CACNA1H: variants seen among roughly 807,000 people sequenced by gnomAD.
CACNA1H encodes calcium voltage-gated channel subunit alpha1 H.
A neutral mutation model predicts 192.5 loss-of-function variants in CACNA1H; 149 were observed. The ratio of observed to expected loss-of-function variants is 0.77; its 90% CI spans 0.68 to 0.89. The LOEUF is 0.89. CACNA1H is among the 40% of genes least tolerant of loss of function. The pLI is 0.00. For missense variants in CACNA1H, 4,257 were observed against 3,423.5 expected, an observed-to-expected ratio of 1.24 and a Z score of -6.08; for synonymous variants, 2,202 against 1,475.2, an observed-to-expected ratio of 1.49 and a Z score of -11.29.
intron 2 of CACNA1H, among the ~76,000 whole-genome samples, chr16:1,188,586 A>G (rs1171742245): frequency 2.0e-5 from 3 of 152,208 alleles, no homozygotes; most frequent in East Asian, 3.9e-4. Context: ...TGCCCCCCAC[A>G]CAACAGTCAG....
In CACNA1H at chr16:1,200,767, C is replaced by T. The variant is rs1401713017; in HGVS notation, c.1171C>T (p.His391Tyr). ...VDIMYYVMDA[H>Y]SFYNFIYFIL... ...CATCATGTACTACGTCATGGACGCC[C>T]ACTCATTCTACAACTTCATCTATTT... The change falls in exon 8 of 35, where the codon CAC becomes TAC. Residue 391 changes from histidine (H) to tyrosine (Y), a missense_variant. Physicochemically the swap from His to Tyr is moderately conservative, Grantham distance 83 (BLOSUM62 2). Coordinates refer to ENST00000348261, the MANE Select transcript of CACNA1H (RefSeq NM_021098.3). The T allele has an allele frequency of 1.9e-6, 3 of 1,555,602 alleles. No individual in the cohort carries two copies. The highest frequency in any genetic ancestry group is 1.2e-5 in the South Asian group (1 of 84,552).
rs374265107 is a variant in CACNA1H at position 1,211,958 on chromosome 16, C to T, written c.4579C>T (p.His1527Tyr). The change falls in exon 25 of 35, where the codon CAC becomes TAC. Residue 1527 changes from histidine to tyrosine, a missense_variant. Physicochemically the swap from His to Tyr is moderately conservative, Grantham distance 83. Coordinates refer to ENST00000348261, the MANE Select transcript of CACNA1H (RefSeq NM_021098.3). ...VGVDQQPVQN[H>Y]NPWMLLYFIS... ...CTCTGTGCCACAGCCTGTGCAGAAC[C>T]ACAACCCCTGGATGCTGCTGTACTT... The T allele has an allele frequency of 1.4e-5, 23 of 1,613,344 alleles. No homozygotes were observed. The African/African-American group carries it at 2.9e-4, about 21-fold the overall frequency.
At chr16:1,211,345 G>C in intron 22 of CACNA1H, 51 bp downstream of exon 22, 1 of 1,609,886 alleles carries the variant, frequency 6.2e-7, no homozygotes, top group South Asian at 1.1e-5. Flanking sequence ...GACAGGGTCT[G>C]CCTTCCCAGC....
Position 1,221,104 on chromosome 16 carries a change from C to A in CACNA1H, c.*110C>A. 1.2e-6 allele frequency: 1 copy of A among 825,632 alleles called. No homozygotes were observed. Among genetic ancestry groups the A allele is most frequent in the Non-Finnish European group, 1.8e-6 (1 of 541,692 alleles). The allele number at this position is 825,632 out of a possible 1,614,324, so 51.1% of individuals were successfully genotyped here. On this transcript the variant is annotated 3_prime_UTR_variant, in exon 35 of 35. Transcript: ENST00000348261. Reference sequence around the variant, plus strand: ...ACCCTGACTTGGGTCCCGTCGTGAGCAGAAAGGCCCGGGGAGGATGACGGC... The same window carrying A: ...ACCCTGACTTGGGTCCCGTCGTGAGAAGAAAGGCCCGGGGAGGATGACGGC...
rs1466381514 is a variant in CACNA1H at position 1,204,025 on chromosome 16, C to G, written c.2018C>G (p.Pro673Arg). The change falls in exon 10 of 35, where the codon CCT becomes CGT. Residue 673 changes from proline (P) to arginine (R), a missense_variant. Physicochemically the swap from Pro to Arg is moderately radical, Grantham distance 103. Transcript: ENST00000348261. ...VVGEHGLGQAPGHLSGLSVPC... is the reference protein window; with the variant it reads ...VVGEHGLGQARGHLSGLSVPC... ...TCTCCCGCAGGACTGGGCCAGGCCC[C>G]TGGCCATCTGTCGGGCCTCAGTGTG... 7.7e-6 allele frequency: 12 copies of G among 1,558,168 alleles called. No individual in the cohort carries two copies. Among genetic ancestry groups the G allele is most frequent in the Non-Finnish European group, 9.5e-6 (11 of 1,152,240 alleles).
Position 1,199,479 on chromosome 16 carries a change from A to G in CACNA1H, c.803+705A>G, listed in dbSNP as rs12918205. On this transcript the variant is annotated intron_variant, in intron 6 of 34. Transcript: ENST00000348261. ...TATGCCCCACCCCCATCATGGCTCC[A>G]CCCACCGTGCGGTCATTGCACATAT... Among the ~76,000 whole-genome samples the G allele has an allele frequency of 3.2e-3, 127 of 39,738 alleles. 1 individual carries two copies. The highest frequency in any genetic ancestry group is 0.012 in the Middle Eastern group (1 of 82). 26.1% of individuals were successfully genotyped at this position (39,738 alleles called of 152,430 possible).
Position 1,153,862 on chromosome 16 carries a change from G to A in CACNA1H, c.125G>A (p.Arg42Gln). The A allele has an allele frequency of 7.3e-7, 1 of 1,371,584 alleles. No individual in the cohort carries two copies. Among genetic ancestry groups the A allele is most frequent in the Non-Finnish European group, 9.4e-7 (1 of 1,060,342 alleles). The allele number at this position is 1,371,584 out of a possible 1,614,324, so 85.0% of individuals were successfully genotyped here. The change falls in exon 2 of 35, where the codon CGG becomes CAG. Residue 42 changes from arginine to glutamine, a missense_variant. Arg to Gln is a conservative substitution (Grantham distance 43). Transcript: ENST00000348261. The part of the protein sequence containing the change: ...SPGAPGREAE[R>Q]GSELGVSPSE... ...GGGGCGCCGGGACGCGAGGCGGAGC[G>A]GGGGTCCGAGCTCGGCGTGTCACCC...
intron 2 of CACNA1H, among the ~76,000 whole-genome samples, chr16:1,192,924 A>C (rs1197921217): frequency 1.3e-5 from 2 of 151,926 alleles, no homozygotes; most frequent in Non-Finnish European, 2.9e-5. Flanking sequence ...GAGAGGAGAC[A>C]GAAAGGCGGT....
At chr16:1,196,392 G>C (rs1444688791) in intron 5 of CACNA1H, among the ~76,000 whole-genome samples, 1 of 152,250 alleles carries the variant, frequency 6.6e-6, no homozygotes, top group Non-Finnish European at 1.5e-5. Context: ...TGTGGCTCGT[G>C]GTGGAGACAC....
intron 2 of CACNA1H, among the ~76,000 whole-genome samples, chr16:1,176,974 CAGGCT>C (rs934141025): frequency 6.6e-6 from 1 of 152,204 alleles, no homozygotes. Flanking sequence ...GCAGAGTCCC[CAGGCT>C]GGGAGGAGGC....
chr16:1,156,034 C>T (rs1478534539), intron 2 of CACNA1H, among the ~76,000 whole-genome samples: 3 of 152,226 alleles, frequency 2.0e-5, no homozygotes, highest in South Asian at 2.1e-4. Context: ...CATGCCCCAT[C>T]CCTGGTGTCC....
chr16:1,176,962 G>A (rs971069057), intron 2 of CACNA1H, among the ~76,000 whole-genome samples: 1 of 152,110 alleles, frequency 6.6e-6, no homozygotes, highest in African/African-American at 2.4e-5. Context: ...GCTTAGGTGG[G>A]GGCAGAGTCC....
chr16:1,207,253 C>G, intron 13 of CACNA1H, 22 bp from the exon 14 acceptor site: 1 of 1,592,196 alleles, frequency 6.3e-7, no homozygotes, highest in East Asian at 2.3e-5. Flanking sequence ...GTGACCACCC[C>G]AGGCCCCCTG....
chr16:1,200,714 AG>A lies in CACNA1H; in HGVS notation c.1120del. On this transcript the variant is annotated splice_acceptor_variant, in intron 7 of 34. Transcript: ENST00000348261. LOFTEE classifies it high-confidence loss of function. Reference sequence around the variant, plus strand: ...GCCCAAGTCAAGCCACTGCCCCCCCAGGTGATCACGCTGGAAGGCTGGGTGG... The same window carrying A: ...GCCCAAGTCAAGCCACTGCCCCCCCAGTGATCACGCTGGAAGGCTGGGTGG... 6.4e-7 allele frequency: 1 copy of A among 1,564,614 alleles called. No individual in the cohort carries two copies. Among genetic ancestry groups the A allele is most frequent in the Non-Finnish European group, 8.7e-7 (1 of 1,154,532 alleles).
intron 10 of CACNA1H, 76 bp downstream of exon 10, chr16:1,204,534 C>A (rs1374897675): frequency 1.7e-6 from 2 of 1,197,892 alleles, no homozygotes; most frequent in African/African-American, 1.5e-5. Context: ...AGGCTTCCAG[C>A]AGCCCCGATG....
At chr16:1,187,459 C>T (rs1966185216) in intron 2 of CACNA1H, among the ~76,000 whole-genome samples, 1 of 152,238 alleles carries the variant, frequency 6.6e-6, no homozygotes, top group East Asian at 1.9e-4. Context: ...GCTGTGGGTG[C>T]CTTTCCCGCC....
chr16:1,179,719 A>G (rs111612305), intron 2 of CACNA1H, among the ~76,000 whole-genome samples: 15,035 of 141,322 alleles, frequency 0.11, 2,177 homozygotes, highest in African/African-American at 0.34. Context: ...GTGAGCCACC[A>G]CGCCCGGCCT....
At position 1,185,593 on chromosome 16, in the gene CACNA1H, GGTCA is replaced by G. The variant is rs1451037153; in HGVS notation, c.300-9377_300-9374del. Among the ~76,000 whole-genome samples the G allele has an allele frequency of 1.7e-4, 14 of 81,028 alleles. 1 individual carries two copies. The highest frequency in any genetic ancestry group is 1.3e-3 in the East Asian group (3 of 2,384). The allele number at this position is 81,028 out of a possible 152,430, so 53.2% of individuals were successfully genotyped here. On this transcript the variant is annotated intron_variant, in intron 2 of 34. Coordinates refer to ENST00000348261, the MANE Select transcript of CACNA1H (RefSeq NM_021098.3). ...GGGGGTCCATGGCGGGTGAGTAGACGGTCAGCGTGCGTAGGGGCCGGAGGCGGGG... is the reference window on the plus strand; with the variant it reads ...GGGGGTCCATGGCGGGTGAGTAGACGGCGTGCGTAGGGGCCGGAGGCGGGG...
rs757925753 is a variant in CACNA1H, at chr16:1,154,047, C to T, written c.299+11C>T. On this transcript the variant is annotated intron_variant, in intron 2 of 34. Coordinates refer to ENST00000348261, the MANE Select transcript of CACNA1H (RefSeq NM_021098.3). ...GCTGGTCTGCAACCCATATCCTTCC[C>T]GGCCGGCGGGGGGCGGGGGGCGGGG... 6 of 1,016,154 alleles carry T rather than the reference C, an allele frequency of 5.9e-6. No individual in the cohort carries two copies. The South Asian group carries it at 1.2e-4, about 21-fold the overall frequency. 62.9% of individuals were successfully genotyped at this position (1,016,154 alleles called of 1,614,324 possible).
Sources: gnomAD v4.1 joint callset for allele counts (sites outside exome capture counted in the v4.1 genomes callset) on GRCh38, gnomAD v4.1.1 for gene constraint, MANE v1.5 for transcripts, NCBI Gene and HGNC (gene_info 2026-07-23, HGNC 2026-07-21) for gene names.